The following GALNT2 variants were observed in gnomAD, a reference collection of about 807,000 sequenced individuals.
GALNT2 encodes UDP-GalNAc:polypeptide N-acetylgalactosaminyltransferase 2.
GALNT2 carries 31 observed loss-of-function variants against 81.4 expected under a neutral mutation model. That is an observed-to-expected ratio of 0.38 (90% CI 0.29 to 0.51). GALNT2 has a LOEUF of 0.51. Among genes scored for constraint, GALNT2 ranks in the 20% least tolerant of loss-of-function variants. The pLI, the probability that GALNT2 is intolerant of heterozygous loss-of-function variation, is 0.87. For missense variants in GALNT2, 629 were observed against 765.7 expected, an observed-to-expected ratio of 0.82 and a Z score of 2.11; for synonymous variants, 303 against 287.4, an observed-to-expected ratio of 1.05 and a Z score of -0.55.
intron 3 of GALNT2, among the ~76,000 whole-genome samples, chr1:230,232,373 C>G (rs572551017): frequency 4.6e-5 from 7 of 152,132 alleles, no homozygotes; most frequent in Non-Finnish European, 8.8e-5. Flanking sequence ...AGCAGCTCTG[C>G]GTGTTCTGAA....
At chr1:230,229,030 T>C (rs1317791670) in intron 3 of GALNT2, among the ~76,000 whole-genome samples, 1 of 152,230 alleles carries the variant, frequency 6.6e-6, no homozygotes, top group Non-Finnish European at 1.5e-5. Flanking sequence ...GTTTAAACAT[T>C]TGAAATAAAA....
intron 1 of GALNT2, among the ~76,000 whole-genome samples, chr1:230,114,984 A>G (rs1413232275): frequency 6.7e-6 from 1 of 148,320 alleles, no homozygotes; most frequent in Non-Finnish European, 1.5e-5. Context: ...TCCCAAGTCC[A>G]CAGCTTACAT....
At position 230,241,082 on chromosome 1, in the gene GALNT2, C is replaced by G. The variant is rs1665186125; in HGVS notation, c.608-2224C>G. Among the ~76,000 whole-genome samples, 2 of 152,182 alleles carry G rather than the reference C, an allele frequency of 1.3e-5. 1 individual carries two copies. Among genetic ancestry groups the G allele is most frequent in the South Asian group, 4.1e-4 (2 of 4,822 alleles). On this transcript the variant is annotated intron_variant, in intron 6 of 15. Transcript: ENST00000366672. ...TTTTTATAGTTTTTATTTCTCTGCT[C>G]AGATTCCCCACCCATTCACTCATTA... is the stretch of plus-strand genomic sequence containing the variant.
intron 3 of GALNT2, among the ~76,000 whole-genome samples, chr1:230,221,110 T>C (rs183393558): frequency 2.7e-4 from 41 of 152,376 alleles, no homozygotes; most frequent in Non-Finnish European, 4.6e-4. Context: ...ATGTTCGATG[T>C]ATGTCATTTT....
chr1:230,128,781 A>T (rs1661274481), intron 1 of GALNT2, among the ~76,000 whole-genome samples: 1 of 152,110 alleles, frequency 6.6e-6, no homozygotes, highest in African/African-American at 2.4e-5. Context: ...TTTCTGCCAG[A>T]GCATCAGCTC....
At chr1:230,134,043 T>C (rs988770435) in intron 1 of GALNT2, among the ~76,000 whole-genome samples, 7 of 152,156 alleles carry the variant, frequency 4.6e-5, no homozygotes, top group Admixed American at 2.0e-4. Flanking sequence ...TAATACTTAA[T>C]TACATATTAC....
chr1:230,250,175 A>T (rs2102748006), intron 9 of GALNT2, among the ~76,000 whole-genome samples: 1 of 152,310 alleles, frequency 6.6e-6, no homozygotes, highest in South Asian at 2.1e-4. Flanking sequence ...GTGAGTAGTG[A>T]TCCAGCCCCA....
chr1:230,228,643 A>C (rs1307655539), intron 3 of GALNT2, among the ~76,000 whole-genome samples: 3 of 152,024 alleles, frequency 2.0e-5, no homozygotes, highest in African/African-American at 7.2e-5. Context: ...TGTTCTGGTC[A>C]TCTGTGTGTG....
chr1:230,095,470 C>A (rs1381881528), intron 1 of GALNT2, among the ~76,000 whole-genome samples: 1 of 152,218 alleles, frequency 6.6e-6, no homozygotes, highest in Non-Finnish European at 1.5e-5. Flanking sequence ...GGCTCCTCAG[C>A]CAGGCCTGCT....
rs1027655989 is a variant in GALNT2 at position 230,201,040 on chromosome 1, A to C, written c.221-2097A>C. Among the ~76,000 whole-genome samples, 10 of 152,344 alleles carry C rather than the reference A, an allele frequency of 6.6e-5. No homozygotes were observed. In the South Asian group the frequency reaches 1.5e-3, roughly 22 times the overall value. ...GTAGAAGCTGCTCGCTCTTGAGCGC[A>C]GGTAGGTGTTATTTTTCTTCTCATC... On this transcript the variant is annotated intron_variant, in intron 2 of 15. Coordinates refer to ENST00000366672, the MANE Select transcript of GALNT2 (RefSeq NM_004481.5).
chr1:230,163,623 T>A lies in GALNT2; in HGVS notation c.127-14595T>A, dbSNP rs1315430478. On this transcript the variant is annotated intron_variant, in intron 1 of 15. Coordinates refer to ENST00000366672, the MANE Select transcript of GALNT2 (RefSeq NM_004481.5). The stretch of plus-strand genomic sequence containing the variant: ...TTGCTACGAGCTCCAGAGCAGGAAT[T>A]TGAATTTGCCTTCGAAGCCCGAGCT... Among the ~76,000 whole-genome samples, 4 of 152,250 alleles carry A rather than the reference T, an allele frequency of 2.6e-5. No individual in the cohort carries two copies. The South Asian group carries it at 8.3e-4, about 31-fold the overall frequency.
Position 230,076,216 on chromosome 1 carries a change from C to T in GALNT2, c.126+8810C>T, listed in dbSNP as rs374154366. ...AGCAGTTTAATTTGCTGATCAGCTTCGTGGGATATGCTTGTGGAACAATCT... is the reference window on the plus strand; with the variant it reads ...AGCAGTTTAATTTGCTGATCAGCTTTGTGGGATATGCTTGTGGAACAATCT... On this transcript the variant is annotated intron_variant, in intron 1 of 15. Transcript: ENST00000366672. Among the ~76,000 whole-genome samples, 86 of 152,286 alleles carry T rather than the reference C, an allele frequency of 5.6e-4. 3 individuals carry two copies. The South Asian group carries it at 0.017, about 29-fold the overall frequency.
At chr1:230,231,820 A>C (rs1166116129) in intron 3 of GALNT2, among the ~76,000 whole-genome samples, 1 of 152,156 alleles carries the variant, frequency 6.6e-6, no homozygotes. Flanking sequence ...AGCCTTGGAC[A>C]CTCAAGTGAA....
intron 10 of GALNT2, among the ~76,000 whole-genome samples, chr1:230,253,826 C>T (rs971467374): frequency 6.6e-5 from 10 of 152,288 alleles, no homozygotes; most frequent in Non-Finnish European, 1.2e-4. Context: ...AATCCCTACT[C>T]CTTCCTTCCC....
At chr1:230,263,043 G>T in intron 13 of GALNT2, 38 bp downstream of exon 13, 1 of 1,548,956 alleles carries the variant, frequency 6.5e-7, no homozygotes, top group Non-Finnish European at 8.9e-7. Flanking sequence ...CTTTGTAAGG[G>T]CTTAGAAGCC....
chr1:230,094,138 C>T (rs1009395245), intron 1 of GALNT2, among the ~76,000 whole-genome samples: 1 of 150,172 alleles, frequency 6.7e-6, no homozygotes, highest in African/African-American at 2.5e-5. Context: ...GCTAAGAATA[C>T]AGGTGTGTGC....
chr1:230,128,344 G>A (rs1661258949), intron 1 of GALNT2, among the ~76,000 whole-genome samples: 1 of 152,072 alleles, frequency 6.6e-6, no homozygotes, highest in African/African-American at 2.4e-5. Context: ...GTTCTCCGAT[G>A]TTATATGGAT....
intron 1 of GALNT2, among the ~76,000 whole-genome samples, chr1:230,153,397 T>TG (rs989752518): frequency 2.6e-5 from 4 of 152,210 alleles, no homozygotes; most frequent in Admixed American, 2.0e-4. Flanking sequence ...CAGTCATTGA[T>TG]GGGGGGTCAG....
chr1:230,083,421 G>A (rs1445439177), intron 1 of GALNT2, among the ~76,000 whole-genome samples: 1 of 151,252 alleles, frequency 6.6e-6, no homozygotes, highest in African/African-American at 2.4e-5. Context: ...TGATGGAGCG[G>A]GGAGCCAAGA....
Sources: gnomAD v4.1 joint callset for allele counts (sites outside exome capture counted in the v4.1 genomes callset) on GRCh38, gnomAD v4.1.1 for gene constraint, MANE v1.5 for transcripts, NCBI Gene and HGNC (gene_info 2026-07-23, HGNC 2026-07-21) for gene names.